The following NPRL3 variants were observed in gnomAD, a reference collection of about 807,000 sequenced individuals.
NPRL3 encodes NPR3 like, GATOR1 complex subunit.
In NPRL3, 23 loss-of-function variants were observed where a neutral mutation model predicts 57.2. The ratio of observed to expected loss-of-function variants is 0.40; its 90% CI spans 0.29 to 0.57. The LOEUF (loss-of-function observed/expected upper bound fraction) is 0.57. Among genes scored for constraint, NPRL3 ranks in the 20% least tolerant of loss-of-function variants. The pLI is 0.42. For synonymous variants in NPRL3, 333 were observed against 321.1 expected (o/e 1.04, Z -0.39); for missense variants, 691 against 767.1 (o/e 0.90, Z 1.17).
intron 5 of NPRL3, 122 bp downstream of exon 5, chr16:117,179 C>T: frequency 1.5e-6 from 1 of 656,068 alleles, no homozygotes. Flanking sequence ...TCTGCCTGCA[C>T]CCCAGGAGGG....
At chr16:92,921 C>A in intron 10 of NPRL3, 196 bp from the exon 11 acceptor site, 1 of 664,300 alleles carries the variant, frequency 1.5e-6, no homozygotes, top group Admixed American at 2.6e-5. Context: ...CAGCAGGAGC[C>A]ATGGGCACAG....
At chr16:125,225 G>A (rs1044227985) in intron 3 of NPRL3, among the ~76,000 whole-genome samples, 2 of 152,150 alleles carry the variant, frequency 1.3e-5, no homozygotes, top group African/African-American at 4.8e-5. Flanking sequence ...TCCACAGAAG[G>A]GATCTCTTTC....
chr16:99,971 AAAAAAAG>A (rs1271260054), intron 8 of NPRL3, among the ~76,000 whole-genome samples: 2 of 133,064 alleles, frequency 1.5e-5, no homozygotes, highest in Admixed American at 7.0e-5. Flanking sequence ...AAAAAAAAAA[AAAAAAAG>A]AAAAAGAAAA....
chr16:138,155 T>C lies in NPRL3; in HGVS notation c.113A>G (p.Gln38Arg). 2 of 1,601,236 alleles carry C rather than the reference T, an allele frequency of 1.2e-6. No homozygotes were observed. The highest frequency in any genetic ancestry group is 1.7e-6 in the Non-Finnish European group (2 of 1,174,436). Residue 38 changes from glutamine to arginine, a missense_variant, in exon 2 of 14, where the codon CAG becomes CGG. Coordinates refer to ENST00000611875, the MANE Select transcript of NPRL3 (RefSeq NM_001077350.3). Reference protein sequence around the residue: ...FQRSQEHPASQTSKPRSRYAA... With the variant: ...FQRSQEHPASRTSKPRSRYAA... The stretch of plus-strand genomic sequence containing the variant: ...CCCGCCCAGCGCTCACTTACTTGTC[T>C]GGGACGCCGGGTGCTCCTGGCTTCT...
intron 3 of NPRL3, chr16:126,268 A>AT (rs1900510421): frequency 6.6e-6 from 1 of 150,682 alleles, no homozygotes; most frequent in Non-Finnish European, 1.5e-5. Flanking sequence ...AAAAAAAAAA[A>AT]AATTAGGCCG....
At chr16:134,415 A>C (rs920697002) in intron 2 of NPRL3, among the ~76,000 whole-genome samples, 3 of 152,230 alleles carry the variant, frequency 2.0e-5, no homozygotes, top group Non-Finnish European at 4.4e-5. Context: ...AAGGCCCATG[A>C]AAACAATGGA....
intron 7 of NPRL3, among the ~76,000 whole-genome samples, chr16:107,594 C>G (rs1466271762): frequency 1.5e-4 from 20 of 130,574 alleles, no homozygotes; most frequent in African/African-American, 3.2e-4. Flanking sequence ...TATTCCATCT[C>G]AAAAAAAAAA....
chr16:133,073 G>C (rs575766693), intron 2 of NPRL3, among the ~76,000 whole-genome samples: 1 of 152,270 alleles, frequency 6.6e-6, no homozygotes, highest in Admixed American at 6.5e-5. Flanking sequence ...ACCTCTCTCA[G>C]CCTTCTCAGA....
At chr16:104,627 G>A (rs565088338) in intron 7 of NPRL3, among the ~76,000 whole-genome samples, 1 of 152,320 alleles carries the variant, frequency 6.6e-6, no homozygotes, top group East Asian at 1.9e-4. Flanking sequence ...TAACTTCCAC[G>A]TGGACTTTAC....
intron 2 of NPRL3, among the ~76,000 whole-genome samples, chr16:134,691 A>ATTTTTTTT (rs765141529): frequency 5.5e-5 from 6 of 108,550 alleles, no homozygotes; most frequent in African/African-American, 1.9e-4. Flanking sequence ...AGTAATTATT[A>ATTTTTTTT]TTATTTTTTT....
chr16:100,970 C>CAACAAAAAAAAAA (rs1899272542), intron 7 of NPRL3, among the ~76,000 whole-genome samples: 1 of 36,118 alleles, frequency 2.8e-5, no homozygotes. Flanking sequence ...GACTCTGTCT[C>CAACAAAAAAAAAA]AAAAAAAAAA....
At chr16:97,737 A>T (rs539399804) in intron 9 of NPRL3, among the ~76,000 whole-genome samples, 2 of 151,984 alleles carry the variant, frequency 1.3e-5, no homozygotes, top group South Asian at 4.1e-4. Flanking sequence ...TGCACATGGG[A>T]GGGCCCCGCA....
At chr16:126,392 G>C (rs1900517484) in intron 3 of NPRL3, 1 of 150,776 alleles carries the variant, frequency 6.6e-6, no homozygotes, top group Non-Finnish European at 1.5e-5. Context: ...TTGCACCCCA[G>C]CCTGGGCAAC....
At chr16:135,700 C>T (rs1422379815) in intron 2 of NPRL3, among the ~76,000 whole-genome samples, 2 of 149,642 alleles carry the variant, frequency 1.3e-5, no homozygotes, top group African/African-American at 2.5e-5. Context: ...GAGAGCAAAA[C>T]GCCTTTCCAT....
At chr16:92,794 T>G in intron 10 of NPRL3, 69 bp from the exon 11 acceptor site, 3 of 1,585,484 alleles carry the variant, frequency 1.9e-6, no homozygotes, top group Non-Finnish European at 1.7e-6. Flanking sequence ...CTGGCCTCAG[T>G]GGGCAGCAGA....
intron 11 of NPRL3, among the ~76,000 whole-genome samples, chr16:91,781 A>G (rs905683172): frequency 3.9e-5 from 6 of 152,232 alleles, no homozygotes; most frequent in African/African-American, 1.4e-4. Flanking sequence ...GCACTTACTC[A>G]GATACTTCTG....
At chr16:115,171 C>T (rs1466952825) in intron 5 of NPRL3, among the ~76,000 whole-genome samples, 1 of 151,704 alleles carries the variant, frequency 6.6e-6, no homozygotes, top group African/African-American at 2.4e-5. Context: ...GATGGGGTTT[C>T]GCTATGTTGC....
At chr16:101,671 C>T (rs143759800) in intron 7 of NPRL3, among the ~76,000 whole-genome samples, 119 of 152,342 alleles carry the variant, frequency 7.8e-4, no homozygotes, top group African/African-American at 2.6e-3. Flanking sequence ...CTCTGACTAC[C>T]GCTCCCCACA....
At chr16:112,875 A>C in intron 5 of NPRL3, 100 bp from the exon 6 acceptor site, 43 of 1,135,528 alleles carry the variant, frequency 3.8e-5, no homozygotes, top group Non-Finnish European at 4.1e-5. Flanking sequence ...AAAAACTCAA[A>C]CCATGAAAGA....
Sources: gnomAD v4.1 joint callset for allele counts (sites outside exome capture counted in the v4.1 genomes callset) on GRCh38, gnomAD v4.1.1 for gene constraint, MANE v1.5 for transcripts, NCBI Gene and HGNC (gene_info 2026-07-23, HGNC 2026-07-21) for gene names.